WWOX: variants seen among roughly 807,000 people sequenced by gnomAD.
The protein encoded by WWOX is WW domain-containing oxidoreductase.
Under a neutral mutation model 46.2 loss-of-function variants are expected in WWOX, and 69 were observed. The ratio of observed to expected loss-of-function variants is 1.49; its 90% CI spans 1.23 to 1.82. WWOX has a LOEUF of 1.82. Among genes scored for constraint, WWOX ranks in the 40% most tolerant of loss-of-function variants. The pLI is 0.00. For missense variants in WWOX, 919 were observed against 542.6 expected, an observed-to-expected ratio of 1.69 and a Z score of -6.89; for synonymous variants, 359 against 202.6, an observed-to-expected ratio of 1.77 and a Z score of -6.56.
chr16:78,919,571 A>G (rs184316640), intron 8 of WWOX, among the ~76,000 whole-genome samples: 1 of 147,294 alleles, frequency 6.8e-6, no homozygotes, highest in Non-Finnish European at 1.5e-5. Context: ...CAGATGGAGC[A>G]CAATGGCGCG....
chr16:78,518,596 T>G (rs1464598741), intron 8 of WWOX, among the ~76,000 whole-genome samples: 3 of 152,194 alleles, frequency 2.0e-5, no homozygotes, highest in African/African-American at 7.2e-5. Flanking sequence ...CAATGGAAAC[T>G]TATAATTTTA....
chr16:79,184,951 G>A (rs2050984225), intron 8 of WWOX, among the ~76,000 whole-genome samples: 1 of 152,198 alleles, frequency 6.6e-6, no homozygotes, highest in South Asian at 2.1e-4. Flanking sequence ...ATTTTAAAGA[G>A]GGATGAGGTT....
At chr16:78,977,774 C>T (rs998351342) in intron 8 of WWOX, among the ~76,000 whole-genome samples, 1 of 152,112 alleles carries the variant, frequency 6.6e-6, no homozygotes, top group Admixed American at 6.5e-5. Context: ...CCTAGGATCC[C>T]AAACATGCAC....
intron 8 of WWOX, among the ~76,000 whole-genome samples, chr16:78,699,587 G>A (rs141654575): frequency 9.2e-5 from 14 of 152,240 alleles, no homozygotes; most frequent in East Asian, 1.9e-4. Context: ...TACCACATAC[G>A]TGAATATATG....
intron 4 of WWOX, among the ~76,000 whole-genome samples, chr16:78,147,691 TTTTTTA>T (rs1466935767): frequency 1.5e-4 from 16 of 108,448 alleles, no homozygotes; most frequent in Admixed American, 5.3e-4. Flanking sequence ...TTTTTTTTTT[TTTTTTA>T]AAAAAAAAAA....
intron 8 of WWOX, among the ~76,000 whole-genome samples, chr16:78,990,697 AG>A (rs2046870396): frequency 6.6e-6 from 1 of 152,124 alleles, no homozygotes; most frequent in Admixed American, 6.5e-5. Flanking sequence ...CATAGAGGAA[AG>A]AAGGAAGAAG....
chr16:78,646,935 G>T (rs1438643660), intron 8 of WWOX, among the ~76,000 whole-genome samples: 3 of 152,000 alleles, frequency 2.0e-5, no homozygotes, highest in African/African-American at 7.3e-5. Flanking sequence ...GTGGGTTGGA[G>T]GGGGGATGCC....
chr16:78,426,450 G>C (rs1266961932), intron 7 of WWOX, among the ~76,000 whole-genome samples: 1 of 152,074 alleles, frequency 6.6e-6, no homozygotes, highest in Non-Finnish European at 1.5e-5. Context: ...TTTGTTCTTT[G>C]CTTAACTACG....
chr16:78,631,424 G>A (rs959478244), intron 8 of WWOX, among the ~76,000 whole-genome samples: 8 of 152,056 alleles, frequency 5.3e-5, no homozygotes, highest in Middle Eastern at 3.2e-3. Flanking sequence ...GGCAAACTGC[G>A]GAAGAATTAG....
chr16:79,095,667 T>G (rs1340405966), intron 8 of WWOX, among the ~76,000 whole-genome samples: 2 of 152,148 alleles, frequency 1.3e-5, no homozygotes, highest in East Asian at 3.9e-4. Flanking sequence ...TTTTTCAACA[T>G]GGAACCATTA....
chr16:78,814,998 G>A (rs760432662), intron 8 of WWOX, among the ~76,000 whole-genome samples: 3 of 152,164 alleles, frequency 2.0e-5, no homozygotes, highest in African/African-American at 4.8e-5. Flanking sequence ...CTTGCTCCCT[G>A]CAGGGTGTCA....
chr16:78,126,347 C>G (rs1049147920), intron 4 of WWOX, among the ~76,000 whole-genome samples: 3 of 152,176 alleles, frequency 2.0e-5, no homozygotes, highest in Non-Finnish European at 4.4e-5. Context: ...GAAGATTGTA[C>G]CAATTTGAAT....
At chr16:78,882,081 A>C (rs1035402705) in intron 8 of WWOX, among the ~76,000 whole-genome samples, 1 of 151,464 alleles carries the variant, frequency 6.6e-6, no homozygotes, top group African/African-American at 2.4e-5. Context: ...AGCCGAGATC[A>C]CACCACTACA....
At chr16:79,015,142 G>T (rs1156840768) in intron 8 of WWOX, among the ~76,000 whole-genome samples, 1 of 152,170 alleles carries the variant, frequency 6.6e-6, no homozygotes, top group Non-Finnish European at 1.5e-5. Flanking sequence ...TTTGCCATTG[G>T]GTTGGAGTAC....
intron 8 of WWOX, among the ~76,000 whole-genome samples, chr16:78,523,728 G>A (rs759433589): frequency 8.5e-5 from 13 of 152,122 alleles, no homozygotes; most frequent in African/African-American, 1.4e-4. Flanking sequence ...AAGATGCTCC[G>A]TTTTCCCGCA....
At chr16:78,606,718 GTTTTTT>G (rs59612285) in intron 8 of WWOX, among the ~76,000 whole-genome samples, 3 of 121,064 alleles carry the variant, frequency 2.5e-5, no homozygotes, top group Admixed American at 8.4e-5. Flanking sequence ...CAGAATTGCA[GTTTTTT>G]TTTTTTTTTT....
intron 8 of WWOX, among the ~76,000 whole-genome samples, chr16:78,754,740 T>C (rs540936503): frequency 1.2e-3 from 181 of 152,208 alleles, no homozygotes; most frequent in African/African-American, 3.9e-3. Flanking sequence ...AAAAAAGATT[T>C]CTTCTCCATC....
Position 78,432,591 on chromosome 16 carries a change from T to G in WWOX, c.895T>G (p.Cys299Gly). The change falls in exon 8 of 9, where the codon TGC (cysteine) becomes GGC (glycine). Residue 299 changes from cysteine (C) to glycine (G), a missense_variant. Coordinates refer to ENST00000566780, the MANE Select transcript of WWOX (RefSeq NM_016373.4). ...AMLAYNRSKL[C>G]NILFSNELHR... ...GCTGGCTTATAACAGGTCCAAGCTC[T>G]GCAACATCCTCTTCTCCAACGAGCT... The G allele has an allele frequency of 6.2e-7, 1 of 1,614,216 alleles. No individual in the cohort carries two copies. The highest frequency in any genetic ancestry group is 8.5e-7 in the Non-Finnish European group (1 of 1,180,040).
intron 8 of WWOX, among the ~76,000 whole-genome samples, chr16:78,987,910 GTCATGTCCCT>G (rs1458734692): frequency 6.6e-6 from 1 of 152,102 alleles, no homozygotes; most frequent in African/African-American, 2.4e-5. Flanking sequence ...CACAGGTCTC[GTCATGTCCCT>G]TCTGTATCCA....
Sources: gnomAD v4.1 joint callset for allele counts (sites outside exome capture counted in the v4.1 genomes callset) on GRCh38, gnomAD v4.1.1 for gene constraint, MANE v1.5 for transcripts, NCBI Gene and HGNC (gene_info 2026-07-23, HGNC 2026-07-21) for gene names.